The following CECR2 variants were observed in gnomAD, a reference collection of about 807,000 sequenced individuals.
The protein encoded by CECR2 is chromatin remodeling regulator CECR2.
A neutral mutation model predicts 154.5 loss-of-function variants in CECR2; 30 were observed. The observed-to-expected ratio is 0.19, with a 90% CI of 0.15 to 0.26. The LOEUF is 0.26. CECR2 is among the 10% of genes least tolerant of loss of function. The probability of loss-of-function intolerance (pLI) is 1.00; values close to 1 mark genes in which losing one functional copy is unlikely to be tolerated. For missense variants in CECR2, 1,743 were observed against 1,829.3 expected, an observed-to-expected ratio of 0.95 and a Z score of 0.86; for synonymous variants, 725 against 683.7, an observed-to-expected ratio of 1.06 and a Z score of -0.94.
intron 16 of CECR2, among the ~76,000 whole-genome samples, chr22:17,546,858 G>C (rs944314648): frequency 2.0e-5 from 3 of 151,872 alleles, no homozygotes; most frequent in Non-Finnish European, 4.4e-5. Context: ...GGCCAACATG[G>C]TGAAATCTTG....
intron 1 of CECR2, among the ~76,000 whole-genome samples, chr22:17,397,891 T>G (rs189318314): frequency 6.6e-6 from 1 of 152,270 alleles, no homozygotes; most frequent in East Asian, 1.9e-4. Context: ...CTTAGTATTG[T>G]TTGGAACATT....
At chr22:17,480,332 T>C (rs1275279020) in intron 2 of CECR2, among the ~76,000 whole-genome samples, 3 of 151,864 alleles carry the variant, frequency 2.0e-5, no homozygotes, top group East Asian at 3.9e-4. Flanking sequence ...AAACCACTAC[T>C]GGTGTGTTTA....
chr22:17,418,959 T>C, intron 1 of CECR2: 1 of 206,418 alleles, frequency 4.8e-6, no homozygotes, highest in South Asian at 6.3e-5. Context: ...AGCTGGAGCC[T>C]ATCGGCTGGG....
upstream of CECR2, among the ~76,000 whole-genome samples, chr22:17,366,218 C>T (rs1233439153): frequency 2.0e-5 from 3 of 152,060 alleles, no homozygotes; most frequent in African/African-American, 7.2e-5. Flanking sequence ...GAGATTGAGT[C>T]TCACTCTGTC....
Position 17,504,871 on chromosome 22 carries a change from C to T in CECR2, c.725C>T (p.Thr242Ile). 1.9e-6 allele frequency: 3 copies of T among 1,613,886 alleles called. No individual in the cohort carries two copies. The highest frequency in any genetic ancestry group is 2.5e-6 in the Non-Finnish European group (3 of 1,179,844). Reference protein sequence around the residue: ...RHGSQGPGQGTWWLLCQTEEE... With the variant: ...RHGSQGPGQGIWWLLCQTEEE... ...GGGTCCCAAGGGCCAGGCCAAGGTA[C>T]TTGGTGGCTCCTGTGCCAGACAGAA... The change falls in exon 7 of 19, where the codon ACT (threonine) becomes ATT (isoleucine). Residue 242 changes from threonine to isoleucine, a missense_variant. By Grantham distance (89) the Thr-to-Ile change is moderately conservative (BLOSUM62 -1). Coordinates refer to ENST00000262608, the MANE Select transcript of CECR2 (RefSeq NM_001290047.2).
chr22:17,449,864 GT>G (rs1356438966), intron 1 of CECR2, among the ~76,000 whole-genome samples: 2 of 152,174 alleles, frequency 1.3e-5, no homozygotes, highest in Admixed American at 1.3e-4. Context: ...GGTCTGATAA[GT>G]TTTTCCCCCG....
At chr22:17,472,088 G>T (rs1253218369) in intron 1 of CECR2, among the ~76,000 whole-genome samples, 1 of 152,172 alleles carries the variant, frequency 6.6e-6, no homozygotes, top group Non-Finnish European at 1.5e-5. Context: ...ATGCAAGGCT[G>T]AGAGGAATGA....
At chr22:17,373,994 C>T (rs1474637113) in intron 1 of CECR2, among the ~76,000 whole-genome samples, 1 of 152,164 alleles carries the variant, frequency 6.6e-6, no homozygotes. Context: ...TAGCCAAATG[C>T]GCTGTACAGT....
At chr22:17,448,433 C>T (rs1444261021) in intron 1 of CECR2, among the ~76,000 whole-genome samples, 4 of 152,148 alleles carry the variant, frequency 2.6e-5, no homozygotes, top group Non-Finnish European at 5.9e-5. Flanking sequence ...TGGAAGATAA[C>T]TTTGACATCA....
chr22:17,371,178 G>A (rs2063056200), intron 1 of CECR2, among the ~76,000 whole-genome samples: 1 of 152,156 alleles, frequency 6.6e-6, no homozygotes, highest in Non-Finnish European at 1.5e-5. Context: ...TGTGAATGAA[G>A]TGTGGGAACT....
intron 1 of CECR2, among the ~76,000 whole-genome samples, chr22:17,407,722 C>T (rs181706482): frequency 1.5e-4 from 23 of 152,200 alleles, no homozygotes; most frequent in African/African-American, 5.5e-4. Flanking sequence ...GGTGATTTGC[C>T]CTCTTAGAGG....
At chr22:17,491,576 T>G (rs1264279652) in intron 2 of CECR2, among the ~76,000 whole-genome samples, 1 of 78,006 alleles carries the variant, frequency 1.3e-5, no homozygotes, top group African/African-American at 4.4e-5. Flanking sequence ...TCTGTGTGTG[T>G]GTGTGTGGGG....
At chr22:17,519,714 G>C (rs2056123577) in intron 8 of CECR2, among the ~76,000 whole-genome samples, 1 of 151,834 alleles carries the variant, frequency 6.6e-6, no homozygotes, top group Non-Finnish European at 1.5e-5. Flanking sequence ...TTAGGTTATT[G>C]GCTTTTGGGT....
chr22:17,552,879 A>C lies in CECR2; in HGVS notation c.*39A>C. On this transcript the variant is annotated 3_prime_UTR_variant, in exon 19 of 19. Coordinates refer to ENST00000262608, the MANE Select transcript of CECR2 (RefSeq NM_001290047.2). ...TGAGCCCCAAGCAATGGAAAGCTGCACACGAAGACTGGAATGTGGAGAACT... is the reference window on the plus strand; with the variant it reads ...TGAGCCCCAAGCAATGGAAAGCTGCCCACGAAGACTGGAATGTGGAGAACT... 2 of 1,547,116 alleles carry C rather than the reference A, an allele frequency of 1.3e-6. No individual in the cohort carries two copies. Among genetic ancestry groups the C allele is most frequent in the Admixed American group, 4.0e-5 (2 of 50,384 alleles).
In CECR2 at chr22:17,553,086, G is replaced by C. The variant is rs2146165449; in HGVS notation, c.*246G>C. 5 of 776,982 alleles carry C rather than the reference G, an allele frequency of 6.4e-6. No homozygotes were observed. In the South Asian group the frequency reaches 2.4e-4, roughly 38 times the overall value. The allele number at this position is 776,982 out of a possible 1,614,324, so 48.1% of individuals were successfully genotyped here. Reference sequence around the variant, plus strand: ...TTGCACAGCTGATGTAGACAGTCAGGCAAAACTAATGAACGTGGAGTTAAT... The same window carrying C: ...TTGCACAGCTGATGTAGACAGTCAGCCAAAACTAATGAACGTGGAGTTAAT... On this transcript the variant is annotated 3_prime_UTR_variant, in exon 19 of 19. Transcript: ENST00000262608.
chr22:17,445,070 T>C (rs1044252514), intron 1 of CECR2, among the ~76,000 whole-genome samples: 3 of 152,230 alleles, frequency 2.0e-5, no homozygotes, highest in Non-Finnish European at 2.9e-5. Context: ...CTTAAATGCT[T>C]TTGAATACTA....
chr22:17,462,597 G>A (rs755653383), intron 1 of CECR2, among the ~76,000 whole-genome samples: 10 of 152,016 alleles, frequency 6.6e-5, no homozygotes, highest in Non-Finnish European at 1.5e-4. Context: ...TGGAAGTCCC[G>A]GTGAGAAGTT....
intron 1 of CECR2, among the ~76,000 whole-genome samples, chr22:17,370,159 G>T (rs1314399524): frequency 1.3e-5 from 2 of 151,186 alleles, no homozygotes; most frequent in Non-Finnish European, 3.0e-5. Context: ...CGAGGGCGGG[G>T]CGGGCCCGTG....
intron 1 of CECR2, among the ~76,000 whole-genome samples, chr22:17,422,462 C>T (rs552391432): frequency 4.6e-5 from 7 of 152,320 alleles, no homozygotes; most frequent in Non-Finnish European, 8.8e-5. Flanking sequence ...CTCAGCCTCC[C>T]AAAGTGCTGG....
Sources: allele counts gnomAD v4.1 joint callset (sites outside exome capture counted in the v4.1 genomes callset), GRCh38; gene constraint gnomAD v4.1.1; transcripts MANE v1.5; gene names NCBI Gene and HGNC (gene_info 2026-07-23, HGNC 2026-07-21).